GPM6A: variants seen among roughly 807,000 people sequenced by gnomAD.
The protein encoded by GPM6A is neuronal membrane glycoprotein M6-a.
GPM6A carries 7 observed loss-of-function variants against 32.1 expected under a neutral mutation model. The ratio of observed to expected loss-of-function variants is 0.22; its 90% confidence interval spans 0.12 to 0.41. GPM6A has a LOEUF of 0.41. GPM6A is among the 10% of genes least tolerant of loss of function. The pLI, the probability that GPM6A is intolerant of heterozygous loss-of-function variation, is 1.00. For missense variants in GPM6A, 235 were observed against 347.2 expected, an observed-to-expected ratio of 0.68 and a Z score of 2.57; for synonymous variants, 130 against 123.4, an observed-to-expected ratio of 1.05 and a Z score of -0.35.
intron 1 of GPM6A, among the ~76,000 whole-genome samples, chr4:175,848,149 A>G (rs923136465): frequency 6.6e-6 from 1 of 152,320 alleles, no homozygotes; most frequent in Non-Finnish European, 1.5e-5. Flanking sequence ...TCAAAACACC[A>G]AGGCTATAAT....
Position 175,743,063 on chromosome 4 carries a change from C to T in GPM6A, c.38-41296G>A, listed in dbSNP as rs192207622. Among the ~76,000 whole-genome samples, 26 of 151,656 alleles carry T rather than the reference C, an allele frequency of 1.7e-4. No homozygotes were observed. The East Asian group carries it at 4.7e-3, about 27-fold the overall frequency. ...AGAACAAGAGCAGAAATAAAGACAA[C>T]AAAATATTCTTTTTTTCTTTAGAAA... On this transcript the variant is annotated intron_variant, in intron 1 of 6. Transcript: ENST00000393658.
At chr4:175,802,254 T>A (rs1336209986) in intron 1 of GPM6A, among the ~76,000 whole-genome samples, 3 of 152,138 alleles carry the variant, frequency 2.0e-5, no homozygotes, top group Non-Finnish European at 4.4e-5. Flanking sequence ...TAACAAGAAT[T>A]CATTCTCAAT....
At chr4:176,000,553 T>A (rs1487279792) in intron 1 of GPM6A, among the ~76,000 whole-genome samples, 1 of 152,246 alleles carries the variant, frequency 6.6e-6, no homozygotes, top group Non-Finnish European at 1.5e-5. Context: ...CCTCTCGAGC[T>A]TGAGGTTACA....
chr4:176,002,294 C>G (rs750883266), intron 1 of GPM6A: 1 of 1,600,250 alleles, frequency 6.2e-7, no homozygotes, highest in Non-Finnish European at 8.5e-7. Context: ...TGTACGCGCC[C>G]GCCCGCGCAC....
intron 1 of GPM6A, among the ~76,000 whole-genome samples, chr4:175,750,075 T>G (rs1166458949): frequency 6.6e-6 from 1 of 152,154 alleles, no homozygotes. Context: ...GCTTTTTTTT[T>G]TGAGATGGAG....
intron 1 of GPM6A, among the ~76,000 whole-genome samples, chr4:175,711,457 T>TATATATATATATACAC (rs1303046650): frequency 1.1e-4 from 3 of 28,012 alleles, no homozygotes; most frequent in African/African-American, 2.5e-4. Context: ...TATATATATA[T>TATATATATATATACAC]ACACACACAT....
At chr4:175,953,547 A>G (rs1739887510) in intron 1 of GPM6A, among the ~76,000 whole-genome samples, 1 of 152,168 alleles carries the variant, frequency 6.6e-6, no homozygotes, top group Non-Finnish European at 1.5e-5. Context: ...TTTGTTTATT[A>G]TGACACATTA....
At chr4:175,650,657 A>C (rs1449297095) in intron 4 of GPM6A, among the ~76,000 whole-genome samples, 1 of 152,172 alleles carries the variant, frequency 6.6e-6, no homozygotes, top group African/African-American at 2.4e-5. Context: ...ATCACACTAC[A>C]CGGGGACTGA....
chr4:175,897,491 A>C (rs1055133413), intron 1 of GPM6A, among the ~76,000 whole-genome samples: 2 of 152,166 alleles, frequency 1.3e-5, no homozygotes, highest in African/African-American at 4.8e-5. Flanking sequence ...ACCTTCCTTC[A>C]TGCAGTCCAG....
chr4:176,002,068 A>T (rs1741501178), intron 1 of GPM6A, among the ~76,000 whole-genome samples: 1 of 141,492 alleles, frequency 7.1e-6, no homozygotes, highest in Admixed American at 6.9e-5. Context: ...CACCCTCCCG[A>T]CCCACTGTAA....
chr4:175,800,721 C>A, intron 1 of GPM6A: 1 of 190,556 alleles, frequency 5.2e-6, no homozygotes. Context: ...AGGTTAATGC[C>A]TGGGTTACAT....
intron 2 of GPM6A, among the ~76,000 whole-genome samples, chr4:175,679,417 A>G (rs1304773065): frequency 6.6e-6 from 1 of 152,046 alleles, no homozygotes; most frequent in Non-Finnish European, 1.5e-5. Context: ...TTCATCATCT[A>G]GTTAAGATGA....
At chr4:175,879,934 A>C (rs759500073) in intron 1 of GPM6A, among the ~76,000 whole-genome samples, 2 of 152,134 alleles carry the variant, frequency 1.3e-5, no homozygotes, top group African/African-American at 4.8e-5. Flanking sequence ...AAGCATTTTA[A>C]AAAACAGGGG....
At chr4:175,821,603 A>G (rs1735279997) in intron 1 of GPM6A, among the ~76,000 whole-genome samples, 1 of 152,034 alleles carries the variant, frequency 6.6e-6, no homozygotes, top group Admixed American at 6.5e-5. Flanking sequence ...CTCTTTCCAT[A>G]TGTTGAGAAC....
chr4:175,875,877 A>G (rs1737069436), intron 1 of GPM6A, among the ~76,000 whole-genome samples: 1 of 152,196 alleles, frequency 6.6e-6, no homozygotes, highest in Non-Finnish European at 1.5e-5. Flanking sequence ...CCTATCTTTG[A>G]GAGCTATGAT....
At chr4:175,685,367 C>G (rs1359492038) in intron 2 of GPM6A, among the ~76,000 whole-genome samples, 1 of 152,172 alleles carries the variant, frequency 6.6e-6, no homozygotes, top group African/African-American at 2.4e-5. Flanking sequence ...TCTACTTTTA[C>G]ATCTTTGAGG....
intron 1 of GPM6A, among the ~76,000 whole-genome samples, chr4:175,895,756 CA>C (rs1472545740): frequency 1.3e-5 from 2 of 151,990 alleles, no homozygotes; most frequent in African/African-American, 4.8e-5. Flanking sequence ...CAATATTTTC[CA>C]AATTCTGTAT....
intron 1 of GPM6A, among the ~76,000 whole-genome samples, chr4:175,749,432 A>G (rs1447432943): frequency 1.3e-5 from 2 of 152,230 alleles, no homozygotes; most frequent in African/African-American, 2.4e-5. Context: ...CAAACCTTCA[A>G]TTTATAAAAA....
intron 1 of GPM6A, among the ~76,000 whole-genome samples, chr4:176,001,913 T>G (rs1741493926): frequency 6.6e-6 from 1 of 152,132 alleles, no homozygotes; most frequent in East Asian, 1.9e-4. Flanking sequence ...AGGACAGAGA[T>G]CTCCCTGTAA....
Sources: gnomAD v4.1 joint callset for allele counts (sites outside exome capture counted in the v4.1 genomes callset) on GRCh38, gnomAD v4.1.1 for gene constraint, MANE v1.5 for transcripts, NCBI Gene and HGNC (gene_info 2026-07-23, HGNC 2026-07-21) for gene names.